The following PRKRIP1 variants were observed in gnomAD, a reference collection of about 807,000 sequenced individuals.
PRKRIP1 encodes the protein PRKR-interacting protein 1.
Under a neutral mutation model 29.3 loss-of-function variants are expected in PRKRIP1, and 29 were observed. The observed-to-expected ratio is 0.99, with a 90% CI of 0.74 to 1.35. PRKRIP1 has a LOEUF of 1.35. Ranked by LOEUF, PRKRIP1 falls within the 40% of genes most tolerant of loss-of-function variation. The pLI, the probability that PRKRIP1 is intolerant of heterozygous loss-of-function variation, is 0.00. For missense variants in PRKRIP1, 247 were observed against 236.8 expected (o/e 1.04, Z -0.28); for synonymous variants, 90 against 85.1 (o/e 1.06, Z -0.32).
intron 5 of PRKRIP1, 152 bp from the exon 6 acceptor site, chr7:102,424,862 A>G (rs782239286): frequency 8.5e-6 from 6 of 702,780 alleles, no homozygotes; most frequent in Non-Finnish European, 1.4e-5. Context: ...GGAATGGCTC[A>G]GAGGACTGGT....
rs782553394 is a variant in PRKRIP1, at chr7:102,396,481, C to G, written c.70C>G (p.Pro24Ala). 4.0e-5 allele frequency: 65 copies of G among 1,610,140 alleles called. No homozygotes were observed. Among genetic ancestry groups the G allele is most frequent in the Middle Eastern group, 3.6e-4 (2 of 5,544 alleles). Residue 24 changes from proline (P) to alanine (A), a missense_variant, in exon 1 of 6, where the codon CCC becomes GCC. Physicochemically the swap from Pro to Ala is conservative, Grantham distance 27. Transcript: ENST00000397912. ...GAAAGAGCCGCAGACGCTCGTCATC[C>G]CCAAGAATGCGGCGGAGGAGCAGAA... ...PKKEPQTLVI[P>A]KNAAEEQKLK...
At chr7:102,416,978 C>A (rs1796568469) in intron 5 of PRKRIP1, among the ~76,000 whole-genome samples, 1 of 152,096 alleles carries the variant, frequency 6.6e-6, no homozygotes, top group South Asian at 2.1e-4. Context: ...GCCTCAGCCT[C>A]CTGAGTAGCT....
intron 5 of PRKRIP1, chr7:102,423,510 A>C (rs1325793864): frequency 1.4e-5 from 3 of 220,322 alleles, no homozygotes; most frequent in Non-Finnish European, 1.9e-5. Context: ...GGAGATCTCG[A>C]GCAGCAAGTT....
intron 5 of PRKRIP1, among the ~76,000 whole-genome samples, chr7:102,424,218 T>TGTAGTGGGCGTGTGG (rs1554574163): frequency 6.6e-6 from 1 of 152,268 alleles, no homozygotes; most frequent in Non-Finnish European, 1.5e-5. Context: ...GCTCAGGGTC[T>TGTAGTGGGCGTGTGG]GTAGTGGGCG....
chr7:102,412,398 T>C (rs1226072307), intron 5 of PRKRIP1, among the ~76,000 whole-genome samples: 1 of 152,088 alleles, frequency 6.6e-6, no homozygotes, highest in Non-Finnish European at 1.5e-5. Context: ...CTACAAAATA[T>C]TTAAAAATAA....
At chr7:102,414,251 G>A (rs1366956922) in intron 5 of PRKRIP1, among the ~76,000 whole-genome samples, 1 of 151,822 alleles carries the variant, frequency 6.6e-6, no homozygotes, top group Non-Finnish European at 1.5e-5. Context: ...AAAAAAGAGT[G>A]GGGGAAGGAA....
Position 102,413,165 on chromosome 7 carries a change from C to T in PRKRIP1, c.457+5667C>T, listed in dbSNP as rs563969125. Among the ~76,000 whole-genome samples, 9 of 152,246 alleles carry T rather than the reference C, an allele frequency of 5.9e-5. 1 individual carries two copies. In the South Asian group the frequency reaches 8.3e-4, roughly 14 times the overall value. Reference sequence around the variant, plus strand: ...CGTGGCATCCTAGTGTCTACCCTCCCGAGGCCAGGAGCACCCACCTTCCCC... The same window carrying T: ...CGTGGCATCCTAGTGTCTACCCTCCTGAGGCCAGGAGCACCCACCTTCCCC... On this transcript the variant is annotated intron_variant, in intron 5 of 5. Transcript: ENST00000397912.
intron 4 of PRKRIP1, among the ~76,000 whole-genome samples, chr7:102,406,852 C>T (rs1352287499): frequency 7.1e-6 from 1 of 140,090 alleles, no homozygotes. Context: ...TAAACATAAA[C>T]AAGTAATAAG....
chr7:102,406,128 G>C (rs373943484), intron 4 of PRKRIP1, among the ~76,000 whole-genome samples: 1 of 152,164 alleles, frequency 6.6e-6, no homozygotes, highest in East Asian at 1.9e-4. Context: ...GGCCCCTTCT[G>C]TTGATCAGTG....
At chr7:102,406,847 A>G (rs1440970779) in intron 4 of PRKRIP1, among the ~76,000 whole-genome samples, 1 of 151,914 alleles carries the variant, frequency 6.6e-6, no homozygotes. Flanking sequence ...TAGTCTAAAC[A>G]TAAACAAGTA....
At chr7:102,408,135 A>T (rs1796282053) in intron 5 of PRKRIP1, among the ~76,000 whole-genome samples, 1 of 152,098 alleles carries the variant, frequency 6.6e-6, no homozygotes, top group South Asian at 2.1e-4. Context: ...TGAGAGTATG[A>T]GGTGGCTCCC....
chr7:102,419,673 T>G (rs1475706497), intron 5 of PRKRIP1, among the ~76,000 whole-genome samples: 2 of 152,156 alleles, frequency 1.3e-5, no homozygotes, highest in Non-Finnish European at 2.9e-5. Context: ...CAGATTGGCT[T>G]CTTTTGCTTA....
chr7:102,409,331 C>G (rs2133182773), intron 5 of PRKRIP1, among the ~76,000 whole-genome samples: 1 of 152,214 alleles, frequency 6.6e-6, no homozygotes, highest in Admixed American at 6.5e-5. Flanking sequence ...ACTGATAGGA[C>G]CTCATCTCTC....
chr7:102,423,058 A>G (rs532074311), intron 5 of PRKRIP1: 21 of 429,032 alleles, frequency 4.9e-5, no homozygotes, highest in South Asian at 3.4e-4. Flanking sequence ...CCCTTCCACA[A>G]ACATCCAGCT....
intron 5 of PRKRIP1, among the ~76,000 whole-genome samples, chr7:102,415,382 G>A (rs1359249243): frequency 6.6e-6 from 1 of 152,146 alleles, no homozygotes; most frequent in Non-Finnish European, 1.5e-5. Flanking sequence ...GATTACAGGC[G>A]ACTGCCACCA....
intron 5 of PRKRIP1, among the ~76,000 whole-genome samples, chr7:102,411,535 C>T (rs1474238972): frequency 1.3e-5 from 2 of 152,114 alleles, no homozygotes; most frequent in Non-Finnish European, 1.5e-5. Flanking sequence ...CAGGTATGCA[C>T]CACCATGCCC....
intron 5 of PRKRIP1, among the ~76,000 whole-genome samples, chr7:102,424,780 C>A (rs990919325): frequency 2.0e-5 from 3 of 151,994 alleles, no homozygotes; most frequent in Non-Finnish European, 4.4e-5. Context: ...TGCCTCTGGG[C>A]CTTTGGGTAA....
chr7:102,419,845 T>TGTGTGTGTGTG (rs1796645239), intron 5 of PRKRIP1, among the ~76,000 whole-genome samples: 1 of 142,718 alleles, frequency 7.0e-6, no homozygotes, highest in African/African-American at 2.7e-5. Flanking sequence ...TTTTGTGTTT[T>TGTGTGTGTGTG]TGTGTGTGTG....
intron 1 of PRKRIP1, among the ~76,000 whole-genome samples, chr7:102,396,745 C>T (rs1017719499): frequency 2.4e-4 from 36 of 152,198 alleles, no homozygotes; most frequent in Admixed American, 2.6e-4. Flanking sequence ...GAGAGCCCAG[C>T]TTGAATCAAA....
Sources: gnomAD v4.1 joint callset for allele counts (sites outside exome capture counted in the v4.1 genomes callset) on GRCh38, gnomAD v4.1.1 for gene constraint, MANE v1.5 for transcripts, NCBI Gene and HGNC (gene_info 2026-07-23, HGNC 2026-07-21) for gene names.